WIPF3: variants seen among roughly 807,000 people sequenced by gnomAD.
WIPF3 encodes the protein WAS/WASL-interacting protein family member 3.
A neutral mutation model predicts 38.9 loss-of-function variants in WIPF3; 33 were observed. The observed-to-expected ratio is 0.85, with a 90% CI of 0.64 to 1.14. The LOEUF (loss-of-function observed/expected upper bound fraction) is 1.14. Among genes scored for constraint, WIPF3 ranks in the 50% most tolerant of loss-of-function variants. The pLI is 0.00. For missense variants in WIPF3, 711 were observed against 652.5 expected (o/e 1.09, Z -0.98); for synonymous variants, 324 against 269.3 (o/e 1.20, Z -1.99).
intron 2 of WIPF3, among the ~76,000 whole-genome samples, chr7:29,837,719 A>T (rs1216680409): frequency 6.6e-6 from 1 of 152,218 alleles, no homozygotes; most frequent in Non-Finnish European, 1.5e-5. Flanking sequence ...GCAAATAATT[A>T]ACGTCTTTAG....
At chr7:29,825,781 C>A (rs1371159185) in intron 1 of WIPF3, among the ~76,000 whole-genome samples, 1 of 152,126 alleles carries the variant, frequency 6.6e-6, no homozygotes, top group Non-Finnish European at 1.5e-5. Flanking sequence ...AGTATGTGTA[C>A]ATAGTAGGTT....
intron 7 of WIPF3, among the ~76,000 whole-genome samples, chr7:29,902,520 G>A (rs10278804): frequency 1.3e-5 from 2 of 151,980 alleles, no homozygotes; most frequent in Non-Finnish European, 2.9e-5. Flanking sequence ...ATATGTTGTA[G>A]AAAAGTTGAA....
chr7:29,853,607 C>G (rs1785140869), intron 2 of WIPF3, among the ~76,000 whole-genome samples: 1 of 152,192 alleles, frequency 6.6e-6, no homozygotes, highest in African/African-American at 2.4e-5. Flanking sequence ...CTGGTGTGGC[C>G]CCTTCTTTTA....
At chr7:29,824,578 A>G (rs889014790) in intron 1 of WIPF3, among the ~76,000 whole-genome samples, 3 of 152,076 alleles carry the variant, frequency 2.0e-5, no homozygotes, top group African/African-American at 7.2e-5. Flanking sequence ...AAAAAAGGAT[A>G]TAAGAAAATG....
intron 1 of WIPF3, among the ~76,000 whole-genome samples, chr7:29,816,315 TATCATCATC>T (rs539772984): frequency 6.6e-6 from 1 of 151,552 alleles, no homozygotes; most frequent in Non-Finnish European, 1.5e-5. Flanking sequence ...TTATTATTAT[TATCATCATC>T]ATCATCATCA....
intron 2 of WIPF3, among the ~76,000 whole-genome samples, chr7:29,859,278 A>G (rs1377151709): frequency 1.3e-5 from 2 of 152,176 alleles, no homozygotes; most frequent in Non-Finnish European, 2.9e-5. Flanking sequence ...AAGATCCAGA[A>G]CACTGGTTTG....
intron 7 of WIPF3, among the ~76,000 whole-genome samples, chr7:29,902,936 T>G (rs966884433): frequency 1.3e-5 from 2 of 152,180 alleles, no homozygotes; most frequent in Non-Finnish European, 2.9e-5. Context: ...TCAATGAATT[T>G]TTAAAATAGT....
intron 8 of WIPF3, chr7:29,906,134 A>T (rs1786392664): frequency 6.6e-6 from 1 of 152,198 alleles, no homozygotes; most frequent in South Asian, 2.1e-4. Context: ...AACAACAACA[A>T]AAATCACATC....
At chr7:29,912,153 T>A (rs1786516043) in intron 8 of WIPF3, among the ~76,000 whole-genome samples, 1 of 152,066 alleles carries the variant, frequency 6.6e-6, no homozygotes, top group African/African-American at 2.4e-5. Context: ...GATAAACAAA[T>A]GGCCAATGAG....
chr7:29,840,092 A>G lies in WIPF3; in HGVS notation c.90+5278A>G, dbSNP rs540789692. Among the ~76,000 whole-genome samples, 7 of 152,268 alleles carry G rather than the reference A, an allele frequency of 4.6e-5. No homozygotes were observed. The South Asian group carries it at 1.2e-3, about 27-fold the overall frequency. ...CCCCTTCCAAGAGAAGTTTGCCAAC[A>G]CCTGTCCCGCAGTCAGCTGGGCTCA... On this transcript the variant is annotated intron_variant, in intron 2 of 8. Transcript: ENST00000242140.
At position 29,844,287 on chromosome 7, in the gene WIPF3, G is replaced by C. The variant is rs1784965154; in HGVS notation, c.90+9473G>C. Reference sequence around the variant, plus strand: ...GGAACATTTGTTTCTTTTATAATTAGAAGAAAAGGTTTTTAAAAAGGAATG... The same window carrying C: ...GGAACATTTGTTTCTTTTATAATTACAAGAAAAGGTTTTTAAAAAGGAATG... On this transcript the variant is annotated intron_variant, in intron 2 of 8. Coordinates refer to ENST00000242140, the MANE Select transcript of WIPF3 (RefSeq NM_001080529.3). The surrounding 1 kb of genome is among the most constrained non-coding windows in gnomAD (Gnocchi z 4.8). Among the ~76,000 whole-genome samples the C allele has an allele frequency of 6.6e-6, 1 of 152,150 alleles. No individual in the cohort carries two copies. Among genetic ancestry groups the C allele is most frequent in the African/African-American group, 2.4e-5 (1 of 41,440 alleles).
At position 29,817,944 on chromosome 7, in the gene WIPF3, C is replaced by T. The variant is rs560892785; in HGVS notation, c.-58+11266C>T. On this transcript the variant is annotated intron_variant, in intron 1 of 8. Coordinates refer to ENST00000242140, the MANE Select transcript of WIPF3 (RefSeq NM_001080529.3). Reference sequence around the variant, plus strand: ...CCCAAGACTATAGTGTGTTTTTCCACGTCTTCACTGTTTCTCAGTAATGTT... The same window carrying T: ...CCCAAGACTATAGTGTGTTTTTCCATGTCTTCACTGTTTCTCAGTAATGTT... 5.8e-4 allele frequency among the ~76,000 whole-genome samples: 89 copies of T among 152,222 alleles called. 3 individuals are homozygous for T. The South Asian group carries it at 0.011, about 19-fold the overall frequency.
At chr7:29,873,926 C>A (rs1321267593) in intron 2 of WIPF3, among the ~76,000 whole-genome samples, 2 of 152,190 alleles carry the variant, frequency 1.3e-5, no homozygotes, top group African/African-American at 2.4e-5. Context: ...AGTCAGCCAA[C>A]CTGGTTTGTC....
intron 2 of WIPF3, among the ~76,000 whole-genome samples, chr7:29,863,666 T>A (rs770425422): frequency 1.5e-4 from 23 of 152,248 alleles, no homozygotes; most frequent in Non-Finnish European, 2.4e-4. Flanking sequence ...TGGGAAGAAC[T>A]GACATCTTTC....
At chr7:29,867,381 T>C (rs557135274) in intron 2 of WIPF3, among the ~76,000 whole-genome samples, 47 of 152,254 alleles carry the variant, frequency 3.1e-4, no homozygotes, top group African/African-American at 1.1e-3. Flanking sequence ...ACAACGGTAA[T>C]GTTATTTCAT....
intron 1 of WIPF3, among the ~76,000 whole-genome samples, chr7:29,826,320 C>T (rs374658882): frequency 2.6e-5 from 4 of 152,108 alleles, no homozygotes; most frequent in South Asian, 4.1e-4. Context: ...GTCGGCCTTA[C>T]GCAGAAGCTT....
chr7:29,824,011 C>T lies in WIPF3; in HGVS notation c.-57-10657C>T, dbSNP rs564367973. On this transcript the variant is annotated intron_variant, in intron 1 of 8. Coordinates refer to ENST00000242140, the MANE Select transcript of WIPF3 (RefSeq NM_001080529.3). ...TTCTTTATAGCAACGCGAGAACAGA[C>T]TAATACACCAAGGCAGTGGCATTTG... 1.3e-4 allele frequency among the ~76,000 whole-genome samples: 20 copies of T among 152,330 alleles called. No homozygotes were observed. In the South Asian group the frequency reaches 4.1e-3, roughly 32 times the overall value.
intron 1 of WIPF3, among the ~76,000 whole-genome samples, chr7:29,829,873 A>G (rs1445031336): frequency 6.6e-6 from 1 of 152,200 alleles, no homozygotes; most frequent in Non-Finnish European, 1.5e-5. Context: ...CTGTTTTGCG[A>G]TAGTTCATGA....
At chr7:29,821,560 A>G (rs933689588) in intron 1 of WIPF3, among the ~76,000 whole-genome samples, 1 of 152,180 alleles carries the variant, frequency 6.6e-6, no homozygotes, top group African/African-American at 2.4e-5. Flanking sequence ...AAGTATGGGG[A>G]TTACAGGCAT....
Sources: gnomAD v4.1 joint callset for allele counts (sites outside exome capture counted in the v4.1 genomes callset) on GRCh38, gnomAD v4.1.1 for gene constraint, Gnocchi (gnomAD v3.1) non-coding constraint, MANE v1.5 for transcripts, NCBI Gene and HGNC (gene_info 2026-07-23, HGNC 2026-07-21) for gene names.